The following PARD3 variants were observed in gnomAD, a reference collection of about 807,000 sequenced individuals.
The protein encoded by PARD3 is partitioning defective 3 homolog.
PARD3 carries 75 observed loss-of-function variants against 155.4 expected under a neutral mutation model. The ratio of observed to expected loss-of-function variants is 0.48; its 90% confidence interval spans 0.40 to 0.58. PARD3 has a LOEUF of 0.58. PARD3 is among the 20% of genes least tolerant of loss of function. PARD3 has a pLI of 0.00. For synonymous variants in PARD3, 576 were observed against 610.5 expected, an observed-to-expected ratio of 0.94 and a Z score of 0.83; for missense variants, 1,642 against 1,721.7, an observed-to-expected ratio of 0.95 and a Z score of 0.82.
At chr10:34,427,646 C>A (rs1159304016) in intron 5 of PARD3, among the ~76,000 whole-genome samples, 1 of 152,146 alleles carries the variant, frequency 6.6e-6, no homozygotes, top group African/African-American at 2.4e-5. Context: ...ACACCCTATT[C>A]CTACACTCCC....
chr10:34,720,315 A>T (rs2094583912), intron 1 of PARD3, among the ~76,000 whole-genome samples: 1 of 151,978 alleles, frequency 6.6e-6, no homozygotes, highest in Non-Finnish European at 1.5e-5. Flanking sequence ...GGTGCCTGTA[A>T]TCTCAGCTAC....
chr10:34,206,120 T>G (rs540836197), intron 22 of PARD3, among the ~76,000 whole-genome samples: 238 of 152,282 alleles, frequency 1.6e-3, no homozygotes, highest in Non-Finnish European at 2.4e-3. Context: ...TGACCACCTC[T>G]TCACTTAAGT....
chr10:34,637,053 C>G (rs2092502972), intron 2 of PARD3, among the ~76,000 whole-genome samples: 1 of 152,140 alleles, frequency 6.6e-6, no homozygotes, highest in African/African-American at 2.4e-5. Context: ...GATATAAAAA[C>G]AAATCTGAAA....
chr10:34,227,068 A>G (rs756470137), intron 22 of PARD3, among the ~76,000 whole-genome samples: 7 of 152,212 alleles, frequency 4.6e-5, no homozygotes, highest in Non-Finnish European at 8.8e-5. Context: ...CTATCAACAG[A>G]GTAAACACAC....
At chr10:34,394,402 T>G (rs552667843) in intron 7 of PARD3, among the ~76,000 whole-genome samples, 1 of 152,138 alleles carries the variant, frequency 6.6e-6, no homozygotes, top group Non-Finnish European at 1.5e-5. Context: ...CATGGCTCAC[T>G]GCAGCCCCAC....
intron 2 of PARD3, among the ~76,000 whole-genome samples, chr10:34,558,083 C>T (rs766897810): frequency 2.0e-5 from 3 of 151,986 alleles, no homozygotes; most frequent in Non-Finnish European, 4.4e-5. Context: ...CTAAGTATGG[C>T]TCCCCACACT....
Position 34,470,192 on chromosome 10 carries a change from T to C in PARD3, c.475A>G (p.Asn159Asp). ...CTTGAAGGCTCTTCAGAGGAAAAAT[T>C]ACTATCACTGACAGAAGTGGAGAGG... ...IGLSTSVSDS[N>D]FSSEEPSRKN... The change falls in exon 4 of 25, where the codon AAT becomes GAT. Residue 159 changes from asparagine (N) to aspartate (D), a missense_variant. Physicochemically the swap from Asn to Asp is conservative, Grantham distance 23. This residue lies in a region of PARD3 where 1,529 missense variants were observed against 1,587.3 expected (regional missense o/e 0.96). Transcript: ENST00000374788. 6.2e-7 allele frequency: 1 copy of C among 1,613,336 alleles called. No individual in the cohort carries two copies.
intron 1 of PARD3, among the ~76,000 whole-genome samples, chr10:34,810,421 A>T (rs1019685413): frequency 8.5e-5 from 13 of 152,190 alleles, no homozygotes; most frequent in Admixed American, 7.9e-4. Context: ...AAGGATGCTC[A>T]ACCTGTAATA....
chr10:34,389,676 T>A (rs1022061604), intron 7 of PARD3, among the ~76,000 whole-genome samples: 1 of 152,124 alleles, frequency 6.6e-6, no homozygotes, highest in African/African-American at 2.4e-5. Flanking sequence ...GTGGGCAGAA[T>A]AGGGTCTCAT....
intron 22 of PARD3, among the ~76,000 whole-genome samples, chr10:34,228,826 T>C (rs1211540640): frequency 6.6e-6 from 1 of 152,116 alleles, no homozygotes; most frequent in East Asian, 1.9e-4. Flanking sequence ...TGTGAAACTC[T>C]CTTCATCTGT....
chr10:34,681,027 G>A (rs60209626), intron 2 of PARD3, among the ~76,000 whole-genome samples: 4 of 150,806 alleles, frequency 2.7e-5, no homozygotes, highest in Non-Finnish European at 4.4e-5. Flanking sequence ...GCCTACACCA[G>A]AAATATACAG....
chr10:34,445,713 T>C (rs2076702023), intron 5 of PARD3, among the ~76,000 whole-genome samples: 1 of 152,144 alleles, frequency 6.6e-6, no homozygotes, highest in Admixed American at 6.5e-5. Context: ...GTTATATCTT[T>C]ATGATATAAT....
chr10:34,780,092 G>C (rs1415251483), intron 1 of PARD3, among the ~76,000 whole-genome samples: 1 of 152,164 alleles, frequency 6.6e-6, no homozygotes, highest in Admixed American at 6.5e-5. Context: ...AATCCCCATG[G>C]AAACTACTGT....
At chr10:34,526,996 A>G (rs891278343) in intron 2 of PARD3, among the ~76,000 whole-genome samples, 11 of 152,186 alleles carry the variant, frequency 7.2e-5, no homozygotes, top group African/African-American at 2.7e-4. Flanking sequence ...TCTATACTTT[A>G]TTTTTTGGCA....
intron 2 of PARD3, among the ~76,000 whole-genome samples, chr10:34,674,969 A>C (rs1590578232): frequency 6.6e-6 from 1 of 152,202 alleles, no homozygotes; most frequent in Non-Finnish European, 1.5e-5. Flanking sequence ...TATGCACGTA[A>C]TAGATATTAT....
At chr10:34,196,602 C>T (rs1950951149) in intron 22 of PARD3, among the ~76,000 whole-genome samples, 1 of 117,664 alleles carries the variant, frequency 8.5e-6, no homozygotes, top group Admixed American at 1.2e-4. Context: ...GAGACGGAGT[C>T]TCGCTCTGTC....
At chr10:34,522,023 A>G (rs901645452) in intron 2 of PARD3, among the ~76,000 whole-genome samples, 3 of 152,174 alleles carry the variant, frequency 2.0e-5, no homozygotes, top group African/African-American at 2.4e-5. Flanking sequence ...GGTCTCCCCA[A>G]AGTTATCCAT....
At chr10:34,616,530 C>T (rs1305553765) in intron 2 of PARD3, among the ~76,000 whole-genome samples, 2 of 152,108 alleles carry the variant, frequency 1.3e-5, no homozygotes, top group African/African-American at 4.8e-5. Flanking sequence ...TCTATACACA[C>T]AATTGAATAC....
chr10:34,402,643 T>A (rs749247018), intron 5 of PARD3, among the ~76,000 whole-genome samples: 11 of 152,210 alleles, frequency 7.2e-5, no homozygotes, highest in Non-Finnish European at 1.6e-4. Flanking sequence ...CCCATCCTCC[T>A]ATGCTTCCTT....
Sources: allele counts gnomAD v4.1 joint callset (sites outside exome capture counted in the v4.1 genomes callset), GRCh38; gene constraint gnomAD v4.1.1; regional missense constraint gnomAD v4.1.1; transcripts MANE v1.5; gene names NCBI Gene and HGNC (gene_info 2026-07-23, HGNC 2026-07-21).